The following NR3C1 variants were observed in gnomAD, a reference collection of about 807,000 sequenced individuals.
NR3C1 encodes glucocorticoid receptor.
NR3C1 carries 14 observed loss-of-function variants against 74.0 expected under a neutral mutation model. The observed-to-expected ratio is 0.19, with a 90% CI of 0.12 to 0.30. The LOEUF is 0.30. Ranked by LOEUF, NR3C1 falls within the 10% of genes least tolerant of loss-of-function variation. The pLI, the probability that NR3C1 is intolerant of heterozygous loss-of-function variation, is 1.00. For missense variants in NR3C1, 695 were observed against 909.8 expected, an observed-to-expected ratio of 0.76 and a Z score of 3.04; for synonymous variants, 308 against 332.5, an observed-to-expected ratio of 0.93 and a Z score of 0.80.
chr5:143,382,018 T>C (rs1836347902), intron 2 of NR3C1, among the ~76,000 whole-genome samples: 1 of 152,052 alleles, frequency 6.6e-6, no homozygotes, highest in Admixed American at 6.6e-5. Flanking sequence ...AAGCTACCCA[T>C]CTGAGAAGGG....
chr5:143,411,872 G>A (rs1288671829), intron 1 of NR3C1, among the ~76,000 whole-genome samples: 1 of 152,056 alleles, frequency 6.6e-6, no homozygotes, highest in Non-Finnish European at 1.5e-5. Context: ...GGAGAAAGCA[G>A]GGAGAGCAGT....
intron 6 of NR3C1, among the ~76,000 whole-genome samples, chr5:143,297,920 G>A (rs1032992341): frequency 1.4e-4 from 22 of 152,154 alleles, no homozygotes; most frequent in Admixed American, 1.2e-3. Flanking sequence ...TGCAGAATAT[G>A]TACTGGAGGG....
intron 7 of NR3C1, among the ~76,000 whole-genome samples, chr5:143,292,113 T>G (rs1816074411): frequency 6.6e-6 from 1 of 152,214 alleles, no homozygotes; most frequent in Non-Finnish European, 1.5e-5. Flanking sequence ...GGAGCTGGGC[T>G]GTATTTAATG....
At chr5:143,421,101 G>C (rs1193366327) in intron 1 of NR3C1, among the ~76,000 whole-genome samples, 2 of 152,114 alleles carry the variant, frequency 1.3e-5, no homozygotes, top group Non-Finnish European at 2.9e-5. Context: ...CCAGAGCAGA[G>C]AAAATTCTGG....
rs919812807 is a variant in NR3C1, at chr5:143,281,421, C to CT, written c.*467dup. On this transcript the variant is annotated 3_prime_UTR_variant, in exon 9 of 9. Transcript: ENST00000394464. ...CACAACTTCCCTTTTCTGATATACA[C>CT]TTGTAAACTTTTTTTCAGGTTTCCA... is the stretch of plus-strand genomic sequence containing the variant. 5 of 167,154 alleles carry CT rather than the reference C, an allele frequency of 3.0e-5. No homozygotes were observed. The Middle Eastern group carries it at 0.013, about 418-fold the overall frequency. The allele number at this position is 167,154 out of a possible 1,614,324, so 10.4% of individuals were successfully genotyped here. A position where few individuals can be genotyped will look rare whatever the true frequency, so the allele number is the denominator to read the frequency against.
chr5:143,393,421 T>C (rs765736070), intron 2 of NR3C1, among the ~76,000 whole-genome samples: 4 of 152,112 alleles, frequency 2.6e-5, no homozygotes, highest in Non-Finnish European at 5.9e-5. Context: ...CCAAAGTACC[T>C]AGTTGGAGGC....
intron 2 of NR3C1, among the ~76,000 whole-genome samples, chr5:143,382,794 G>A (rs1161116558): frequency 6.6e-6 from 1 of 152,236 alleles, no homozygotes; most frequent in Non-Finnish European, 1.5e-5. Context: ...CGTGGTTTGT[G>A]TACTGGGTAC....
intron 1 of NR3C1, chr5:143,402,915 A>T (rs949023985): frequency 6.7e-6 from 6 of 892,940 alleles, no homozygotes; most frequent in African/African-American, 1.8e-5. Flanking sequence ...TCCCGCGAGG[A>T]ATGAGAGGCT....
chr5:143,353,884 T>C (rs931086036), intron 2 of NR3C1, among the ~76,000 whole-genome samples: 1 of 152,216 alleles, frequency 6.6e-6, no homozygotes, highest in African/African-American at 2.4e-5. Flanking sequence ...AAGCCAGACA[T>C]TGACTCCTTT....
At chr5:143,391,490 A>C (rs1838211269) in intron 2 of NR3C1, among the ~76,000 whole-genome samples, 1 of 152,208 alleles carries the variant, frequency 6.6e-6, no homozygotes, top group Non-Finnish European at 1.5e-5. Context: ...TAAGGTTTCC[A>C]ATGACAAAGA....
intron 7 of NR3C1, among the ~76,000 whole-genome samples, chr5:143,291,428 G>A (rs550506574): frequency 2.6e-5 from 4 of 152,004 alleles, no homozygotes; most frequent in Non-Finnish European, 5.9e-5. Context: ...GTTTTACCAC[G>A]TAAGCCAGGA....
At chr5:143,287,904 T>A (rs1356454807) in intron 7 of NR3C1, among the ~76,000 whole-genome samples, 1 of 152,204 alleles carries the variant, frequency 6.6e-6, no homozygotes, top group African/African-American at 2.4e-5. Flanking sequence ...ATACTGTATA[T>A]AGCTGCTTTC....
chr5:143,420,018 C>T (rs924292130), intron 1 of NR3C1, among the ~76,000 whole-genome samples: 5 of 152,144 alleles, frequency 3.3e-5, no homozygotes, highest in Non-Finnish European at 5.9e-5. Flanking sequence ...AAGAATTCAG[C>T]AATATTTCTC....
In NR3C1 at chr5:143,399,830, T is replaced by C. The variant is rs768315648; in HGVS notation, c.1010A>G (p.Asn337Ser). ...SGGQMYHYDMNTASLSQQQDQ... is the reference protein window; with the variant it reads ...SGGQMYHYDMSTASLSQQQDQ... ...CTGCTGTTGAGAAAGGGATGCTGTA[T>C]TCATGTCATAGTGGTACATCTGTCC... Residue 337 changes from asparagine (N) to serine (S), a missense_variant, in exon 2 of 9, where the codon AAT becomes AGT. This residue lies in a region of NR3C1 where 497 missense variants were observed against 489.5 expected (regional missense o/e 1.02). Transcript: ENST00000394464. 4 of 1,614,076 alleles carry C rather than the reference T, an allele frequency of 2.5e-6. No homozygotes were observed. The South Asian group carries it at 4.4e-5, about 18-fold the overall frequency.
intron 7 of NR3C1, 52 bp from the exon 8 acceptor site, chr5:143,282,777 CTTTTT>C (rs371512572): frequency 1.4e-5 from 18 of 1,325,726 alleles, no homozygotes; most frequent in Admixed American, 2.3e-5. Context: ...CTTTTCTTTT[CTTTTT>C]TTTTTTTTTT....
rs1840080907 is a variant in NR3C1, at chr5:143,400,571, A to G, written c.269T>C (p.Met90Thr). 6.2e-7 allele frequency: 1 copy of G among 1,614,218 alleles called. No homozygotes were observed. The highest frequency in any genetic ancestry group is 1.1e-5 in the South Asian group (1 of 91,084). The change falls in exon 2 of 9, where the codon ATG (methionine) becomes ACG (threonine). Residue 90 changes from methionine (M) to threonine (T), a missense_variant. Met to Thr is a moderately conservative substitution (Grantham distance 81). This residue lies in a region of NR3C1 where 497 missense variants were observed against 489.5 expected (regional missense o/e 1.02). Transcript: ENST00000394464. ...KAVSLSMGLY[M>T]GETETKVMGN... ...CATCACTTTTGTTTCTGTCTCTCCC[A>G]TATACAGTCCCATTGAGAGTGAAAC...
chr5:143,300,390 A>G lies in NR3C1; in HGVS notation c.1747+95T>C. On this transcript the variant is annotated intron_variant, in intron 5 of 8. Transcript: ENST00000394464. The surrounding 1 kb of genome is among the most constrained non-coding windows in gnomAD (Gnocchi z 5.2). ...TCCCCAGAACTAAGAGAAACAAGATAAGCCATGGGCTCACGATGATATAAA... is the reference window on the plus strand; with the variant it reads ...TCCCCAGAACTAAGAGAAACAAGATGAGCCATGGGCTCACGATGATATAAA... The G allele has an allele frequency of 6.8e-7, 1 of 1,463,734 alleles. No homozygotes were observed. Among genetic ancestry groups the G allele is most frequent in the Non-Finnish European group, 9.5e-7 (1 of 1,048,064 alleles). 90.7% of individuals were successfully genotyped at this position (1,463,734 alleles called of 1,614,324 possible). A position where few individuals can be genotyped will look rare whatever the true frequency, so the allele number is the denominator to read the frequency against.
intron 2 of NR3C1, chr5:143,333,303 C>T (rs1256537481): frequency 7.0e-6 from 5 of 715,562 alleles, no homozygotes; most frequent in East Asian, 2.7e-5. Context: ...TGCCTTGCCA[C>T]TTTACAAGTT....
intron 1 of NR3C1, among the ~76,000 whole-genome samples, chr5:143,415,310 A>T (rs1841439730): frequency 6.6e-6 from 1 of 152,094 alleles, no homozygotes; most frequent in Admixed American, 6.6e-5. Context: ...TATTATGTGA[A>T]ATAGAAAGTA....
Sources: gnomAD v4.1 joint callset for allele counts (sites outside exome capture counted in the v4.1 genomes callset) on GRCh38, gnomAD v4.1.1 for gene constraint, gnomAD v4.1.1 regional missense constraint, Gnocchi (gnomAD v3.1) non-coding constraint, MANE v1.5 for transcripts, NCBI Gene and HGNC (gene_info 2026-07-23, HGNC 2026-07-21) for gene names.